The following TFDP1 variants were observed in gnomAD, a reference collection of about 807,000 sequenced individuals.
The protein encoded by TFDP1 is DRTF1-polypeptide 1.
Under a neutral mutation model 48.0 loss-of-function variants are expected in TFDP1, and 6 were observed. The observed-to-expected ratio is 0.13, with a 90% CI of 0.07 to 0.25. The LOEUF (loss-of-function observed/expected upper bound fraction) is 0.25. TFDP1 is among the 10% of genes least tolerant of loss of function. TFDP1 has a pLI of 1.00. For missense variants in TFDP1, 335 were observed against 543.0 expected, an observed-to-expected ratio of 0.62 and a Z score of 3.81; for synonymous variants, 201 against 211.6, an observed-to-expected ratio of 0.95 and a Z score of 0.44.
At chr13:113,631,816 C>A in intron 5 of TFDP1, 72 bp downstream of exon 5, 25 of 1,583,640 alleles carry the variant, frequency 1.6e-5, no homozygotes, top group Non-Finnish European at 2.1e-5. Flanking sequence ...TCTCCTGGGC[C>A]ACGTGTGTCA....
In TFDP1 at chr13:113,586,999, C is replaced by T. The variant is rs143448265; in HGVS notation, c.12+1150C>T. Among the ~76,000 whole-genome samples the T allele has an allele frequency of 9.8e-3, 1,496 of 152,384 alleles. 23 individuals carry two copies. Among genetic ancestry groups the T allele is most frequent in the African/African-American group, 0.034 (1,399 of 41,592 alleles). ...CGCGCAAGCCATGTTCATTACATCT[C>T]CTCATGGTGAGGAGCTGGACCCAGG... is the stretch of plus-strand genomic sequence containing the variant. On this transcript the variant is annotated intron_variant, in intron 2 of 11. Transcript: ENST00000375370.
chr13:113,594,104 A>G (rs1381754756), intron 2 of TFDP1, among the ~76,000 whole-genome samples: 377 of 67,382 alleles, frequency 5.6e-3, no homozygotes, highest in African/African-American at 0.02. Context: ...GGTGTGGTGT[A>G]CGTGGGTCCT....
At chr13:113,612,084 A>G (rs1485676531) in intron 3 of TFDP1, among the ~76,000 whole-genome samples, 2 of 152,184 alleles carry the variant, frequency 1.3e-5, no homozygotes, top group Non-Finnish European at 2.9e-5. Flanking sequence ...AGTGCTTGCC[A>G]TGGCTCTGGG....
chr13:113,596,654 T>C (rs1350347182), intron 2 of TFDP1, among the ~76,000 whole-genome samples: 1 of 152,226 alleles, frequency 6.6e-6, no homozygotes, highest in Non-Finnish European at 1.5e-5. Context: ...CTAGCCACGA[T>C]GACTTTTGCC....
In TFDP1 at chr13:113,633,086, G is replaced by A. The variant is rs771826267; in HGVS notation, c.309-34G>A. On this transcript the variant is annotated intron_variant, in intron 5 of 11. Coordinates refer to ENST00000375370, the MANE Select transcript of TFDP1 (RefSeq NM_007111.5). The surrounding 1 kb of genome is among the most constrained non-coding windows in gnomAD (Gnocchi z 4.5). Reference sequence around the variant, plus strand: ...ATTCAGGCTGATCCTCAGGAGGGCTGACAGTCGCTTCTCTTTTCCTTTGTA... The same window carrying A: ...ATTCAGGCTGATCCTCAGGAGGGCTAACAGTCGCTTCTCTTTTCCTTTGTA... 1 of 1,613,028 alleles carries A rather than the reference G, an allele frequency of 6.2e-7. No homozygotes were observed.
intron 2 of TFDP1, among the ~76,000 whole-genome samples, chr13:113,600,985 C>T (rs929416256): frequency 5.9e-5 from 9 of 152,262 alleles, no homozygotes; most frequent in Non-Finnish European, 5.9e-5. Context: ...AGAGAGAACC[C>T]TCCTGCTCTT....
intron 2 of TFDP1, among the ~76,000 whole-genome samples, chr13:113,590,201 G>C (rs553833749): frequency 6.6e-6 from 1 of 152,302 alleles, no homozygotes; most frequent in South Asian, 2.1e-4. Flanking sequence ...CGGTATTCAC[G>C]TGCCTTGGTT....
intron 2 of TFDP1, among the ~76,000 whole-genome samples, chr13:113,589,992 C>T (rs1354336950): frequency 6.6e-6 from 1 of 152,256 alleles, no homozygotes; most frequent in Non-Finnish European, 1.5e-5. Context: ...ATGAATTCAT[C>T]AAACATTACA....
Position 113,633,842 on chromosome 13 carries a change from A to G in TFDP1, c.475-48A>G, listed in dbSNP as rs371854453. 3.3e-5 allele frequency: 52 copies of G among 1,568,584 alleles called. No homozygotes were observed. The highest frequency in any genetic ancestry group is 4.3e-5 in the Non-Finnish European group (50 of 1,157,524). On this transcript the variant is annotated intron_variant, in intron 6 of 11. Coordinates refer to ENST00000375370, the MANE Select transcript of TFDP1 (RefSeq NM_007111.5). This position sits in a 1 kb window ranked among gnomAD's most constrained non-coding sequence, Gnocchi z 4.5. The stretch of plus-strand genomic sequence containing the variant: ...CCCATGGTCTACAGTTTAAGGATCC[A>G]CCGGCCTTTTTGGATCATTTGGAAA...
At chr13:113,610,670 C>A (rs1017323566) in intron 2 of TFDP1, among the ~76,000 whole-genome samples, 1 of 152,254 alleles carries the variant, frequency 6.6e-6, no homozygotes, top group Non-Finnish European at 1.5e-5. Flanking sequence ...CTGTGCCACA[C>A]TTAAATAGAA....
intron 2 of TFDP1, among the ~76,000 whole-genome samples, chr13:113,599,987 A>G (rs1423389840): frequency 2.0e-5 from 3 of 148,576 alleles, no homozygotes; most frequent in African/African-American, 7.6e-5. Flanking sequence ...GGACCATGAG[A>G]GAGAGCCCAG....
chr13:113,634,750 G>A, intron 8 of TFDP1, 148 bp downstream of exon 8: 1 of 650,038 alleles, frequency 1.5e-6, no homozygotes, highest in South Asian at 2.0e-5. Flanking sequence ...TCTCATAGGT[G>A]TTGAACGTGG....
At chr13:113,634,194 C>G (rs755104582) in intron 7 of TFDP1, 161 bp downstream of exon 7, 1 of 1,025,300 alleles carries the variant, frequency 9.8e-7, no homozygotes, top group South Asian at 1.3e-5. Flanking sequence ...TCAGTCTTGG[C>G]TGTCAGGGGA....
chr13:113,608,220 A>G (rs923814454), intron 2 of TFDP1, among the ~76,000 whole-genome samples: 8 of 152,198 alleles, frequency 5.3e-5, no homozygotes, highest in African/African-American at 1.9e-4. Context: ...GCCAACAGAA[A>G]AAAGGCACTG....
At chr13:113,590,183 T>C (rs555089724) in intron 2 of TFDP1, among the ~76,000 whole-genome samples, 1 of 152,330 alleles carries the variant, frequency 6.6e-6, no homozygotes, top group East Asian at 1.9e-4. Context: ...GCTGTGGACG[T>C]CACTGCCCGG....
chr13:113,633,138 A>C lies in TFDP1; in HGVS notation c.327A>C (p.Gly109=). Residue 109 remains glycine, a synonymous_variant, in exon 6 of 12, where the codon GGA becomes GGC. Coordinates refer to ENST00000375370, the MANE Select transcript of TFDP1 (RefSeq NM_007111.5). This position sits in a 1 kb window ranked among gnomAD's most constrained non-coding sequence, Gnocchi z 4.5. ...TTTGAAGGAAGCGCAACAGGAAAGG[A>C]GAGAAGAATGGCAAGGGCCTACGGC... ...PWSAGKRNRK[G]EKNGKGLRHF... is the part of the protein sequence containing the mutation. 6.2e-7 allele frequency: 1 copy of C among 1,613,876 alleles called. No homozygotes were observed. Among genetic ancestry groups the C allele is most frequent in the Non-Finnish European group, 8.5e-7 (1 of 1,179,918 alleles).
At chr13:113,635,842 G>A (rs1463186969) in intron 8 of TFDP1, 135 bp from the exon 9 acceptor site, 8 of 1,007,320 alleles carry the variant, frequency 7.9e-6, no homozygotes, top group East Asian at 2.6e-5. Flanking sequence ...CCCAGCGGCC[G>A]GCGCTGGCAT....
At chr13:113,636,742 T>TA in intron 10 of TFDP1, 42 bp downstream of exon 10, 1 of 1,598,952 alleles carries the variant, frequency 6.3e-7, no homozygotes, top group Middle Eastern at 1.7e-4. Flanking sequence ...GTGTGAGGAA[T>TA]GGCCCCCAGC....
chr13:113,625,749 G>A (rs1456415132), intron 4 of TFDP1, among the ~76,000 whole-genome samples: 1 of 117,370 alleles, frequency 8.5e-6, no homozygotes, highest in Non-Finnish European at 1.7e-5. Context: ...GTCCTCAGGC[G>A]TCTCTCACGT....
Sources: gnomAD v4.1 joint callset for allele counts (sites outside exome capture counted in the v4.1 genomes callset) on GRCh38, gnomAD v4.1.1 for gene constraint, Gnocchi (gnomAD v3.1) non-coding constraint, MANE v1.5 for transcripts, NCBI Gene and HGNC (gene_info 2026-07-23, HGNC 2026-07-21) for gene names.